The following RTN1 variants were observed in gnomAD, a reference collection of about 807,000 sequenced individuals.
RTN1 encodes the protein reticulon-1.
A neutral mutation model predicts 65.5 loss-of-function variants in RTN1; 25 were observed. That is an observed-to-expected ratio of 0.38 (90% CI 0.28 to 0.53). The LOEUF (loss-of-function observed/expected upper bound fraction) is 0.53. RTN1 is among the 20% of genes least tolerant of loss of function. RTN1 has a pLI of 0.79. For synonymous variants in RTN1, 471 were observed against 447.6 expected (o/e 1.05, Z -0.66); for missense variants, 983 against 1,025.4 (o/e 0.96, Z 0.57).
At chr14:59,597,787 A>G (rs1394669724) in intron 8 of RTN1, among the ~76,000 whole-genome samples, 1 of 152,216 alleles carries the variant, frequency 6.6e-6, no homozygotes, top group Non-Finnish European at 1.5e-5. Context: ...GGAAGGGACC[A>G]TCAGGCAAAG....
intron 1 of RTN1, among the ~76,000 whole-genome samples, chr14:59,749,633 AGATATC>A: frequency 2.6e-5 from 1 of 37,760 alleles, no homozygotes; most frequent in Non-Finnish European, 4.1e-5. Flanking sequence ...ATCTATATAT[AGATATC>A]TATATATATT....
At chr14:59,780,514 T>C (rs1886134860) in intron 1 of RTN1, among the ~76,000 whole-genome samples, 1 of 152,204 alleles carries the variant, frequency 6.6e-6, no homozygotes, top group Non-Finnish European at 1.5e-5. Flanking sequence ...AAGTCAAAGC[T>C]GGTGGTTATC....
intron 1 of RTN1, among the ~76,000 whole-genome samples, chr14:59,802,003 A>C (rs565168461): frequency 6.6e-6 from 1 of 152,328 alleles, no homozygotes; most frequent in African/African-American, 2.4e-5. Context: ...AGTATATTTC[A>C]GTATGGAAAT....
intron 1 of RTN1, among the ~76,000 whole-genome samples, chr14:59,789,835 G>C (rs1886315823): frequency 6.6e-6 from 1 of 151,648 alleles, no homozygotes; most frequent in Admixed American, 6.6e-5. Context: ...ACGTTAAAAA[G>C]AATAAAGAAC....
intron 3 of RTN1, among the ~76,000 whole-genome samples, chr14:59,663,862 G>A (rs1883305618): frequency 6.6e-6 from 1 of 152,136 alleles, no homozygotes; most frequent in South Asian, 2.1e-4. Context: ...CTATTATACT[G>A]TCAGTGGGAG....
At chr14:59,619,205 T>A (rs1882190237) in intron 3 of RTN1, among the ~76,000 whole-genome samples, 1 of 152,150 alleles carries the variant, frequency 6.6e-6, no homozygotes, top group Admixed American at 6.5e-5. Flanking sequence ...AAACAGCATT[T>A]CAAAGCTGGG....
intron 1 of RTN1, among the ~76,000 whole-genome samples, chr14:59,845,792 C>G (rs934407928): frequency 6.6e-6 from 1 of 152,098 alleles, no homozygotes; most frequent in Non-Finnish European, 1.5e-5. Context: ...GAACCCTTTC[C>G]CTAGAAGAAT....
At chr14:59,626,647 A>G (rs533860520) in intron 3 of RTN1, among the ~76,000 whole-genome samples, 1 of 152,368 alleles carries the variant, frequency 6.6e-6, no homozygotes, top group African/African-American at 2.4e-5. Flanking sequence ...CTTCATGATC[A>G]TAATGTTCTG....
At chr14:59,810,675 T>G (rs147986372) in intron 1 of RTN1, among the ~76,000 whole-genome samples, 1 of 152,230 alleles carries the variant, frequency 6.6e-6, no homozygotes, top group Non-Finnish European at 1.5e-5. Context: ...TATTGTGACA[T>G]CGGTGGGGAG....
At chr14:59,793,944 T>C (rs1477944314) in intron 1 of RTN1, among the ~76,000 whole-genome samples, 2 of 152,128 alleles carry the variant, frequency 1.3e-5, no homozygotes, top group Admixed American at 6.6e-5. Context: ...TAAGGCCCCA[T>C]GCTCTTTCCT....
intron 8 of RTN1, among the ~76,000 whole-genome samples, chr14:59,598,753 C>T (rs1881486137): frequency 1.3e-5 from 2 of 152,166 alleles, no homozygotes; most frequent in Admixed American, 6.5e-5. Flanking sequence ...CCATTCACTG[C>T]TCTTGAGAGA....
At chr14:59,827,168 T>A (rs894111626) in intron 1 of RTN1, among the ~76,000 whole-genome samples, 14 of 152,110 alleles carry the variant, frequency 9.2e-5, no homozygotes, top group African/African-American at 3.4e-4. Flanking sequence ...GAGCTCTGTC[T>A]CCCGGGTTCA....
chr14:59,796,112 A>T (rs1264574250), intron 1 of RTN1, among the ~76,000 whole-genome samples: 1 of 152,162 alleles, frequency 6.6e-6, no homozygotes, highest in Non-Finnish European at 1.5e-5. Flanking sequence ...GTCCCATAAG[A>T]TTATAATACC....
chr14:59,850,580 G>A (rs1887486746), intron 1 of RTN1, among the ~76,000 whole-genome samples: 1 of 152,224 alleles, frequency 6.6e-6, no homozygotes, highest in South Asian at 2.1e-4. Context: ...GAGAGCATGA[G>A]ACTCAGGTGT....
chr14:59,764,461 C>T (rs1594731771), intron 1 of RTN1, among the ~76,000 whole-genome samples: 2 of 152,084 alleles, frequency 1.3e-5, no homozygotes, highest in Middle Eastern at 6.8e-3. Flanking sequence ...GCTGGGATTA[C>T]AGGCGCCTGC....
At chr14:59,719,850 T>G (rs1884611783) in intron 3 of RTN1, among the ~76,000 whole-genome samples, 2 of 152,330 alleles carry the variant, frequency 1.3e-5, no homozygotes, top group South Asian at 4.1e-4. Flanking sequence ...TAGGTTGATC[T>G]ATGTGAGGAA....
At chr14:59,639,466 T>G (rs1882731552) in intron 3 of RTN1, among the ~76,000 whole-genome samples, 1 of 152,248 alleles carries the variant, frequency 6.6e-6, no homozygotes, top group Non-Finnish European at 1.5e-5. Flanking sequence ...CTTGTAATCA[T>G]ATCTTCTGTG....
Position 59,704,141 on chromosome 14 carries a change from G to A in RTN1, c.1765+22778C>T, listed in dbSNP as rs537556999. ...GAGTCACAGATCCCACTGAGAGTCTGATGAAAGTTACGATCTTGGTCTAGC... is the reference window on the plus strand; with the variant it reads ...GAGTCACAGATCCCACTGAGAGTCTAATGAAAGTTACGATCTTGGTCTAGC... On this transcript the variant is annotated intron_variant, in intron 3 of 8. Coordinates refer to ENST00000267484, the MANE Select transcript of RTN1 (RefSeq NM_021136.3). Among the ~76,000 whole-genome samples, 30 of 152,242 alleles carry A rather than the reference G, an allele frequency of 2.0e-4. No homozygotes were observed. The South Asian group carries it at 6.0e-3, about 30-fold the overall frequency.
At chr14:59,798,508 C>T (rs1258754977) in intron 1 of RTN1, among the ~76,000 whole-genome samples, 1 of 152,136 alleles carries the variant, frequency 6.6e-6, no homozygotes, top group Non-Finnish European at 1.5e-5. Context: ...AAAGTAGCTG[C>T]CTACATTCCT....
Sources: gnomAD v4.1 joint callset for allele counts (sites outside exome capture counted in the v4.1 genomes callset) on GRCh38, gnomAD v4.1.1 for gene constraint, MANE v1.5 for transcripts, NCBI Gene and HGNC (gene_info 2026-07-23, HGNC 2026-07-21) for gene names.